TAFA4: variants seen among roughly 807,000 people sequenced by gnomAD.
The protein encoded by TAFA4 is chemokine-like protein TAFA-4.
Under a neutral mutation model 21.1 loss-of-function variants are expected in TAFA4, and 20 were observed. The ratio of observed to expected loss-of-function variants is 0.95; its 90% confidence interval spans 0.67 to 1.38. The LOEUF is 1.38. Among genes scored for constraint, TAFA4 ranks in the 40% most tolerant of loss-of-function variants. The probability of loss-of-function intolerance (pLI) is 0.00; values close to 1 mark genes in which losing one functional copy is unlikely to be tolerated. For missense variants in TAFA4, 211 were observed against 180.9 expected (o/e 1.17, Z -0.95); for synonymous variants, 71 against 67.4 (o/e 1.05, Z -0.26).
At chr3:68,850,831 T>C (rs1315991342) in intron 3 of TAFA4, among the ~76,000 whole-genome samples, 1 of 152,072 alleles carries the variant, frequency 6.6e-6, no homozygotes, top group Non-Finnish European at 1.5e-5. Context: ...ACTCTGTAGG[T>C]TGCCTGTTCT....
chr3:68,908,961 T>C (rs532622293), intron 1 of TAFA4, among the ~76,000 whole-genome samples: 5 of 152,302 alleles, frequency 3.3e-5, no homozygotes, highest in Non-Finnish European at 5.9e-5. Context: ...AATGAAACAT[T>C]CTCTATCTCC....
chr3:68,884,621 C>A (rs1032646835), intron 2 of TAFA4, among the ~76,000 whole-genome samples: 1 of 152,186 alleles, frequency 6.6e-6, no homozygotes, highest in African/African-American at 2.4e-5. Context: ...AATTCATTCC[C>A]AAGACATGCA....
At chr3:68,862,597 G>T (rs765663350) in intron 3 of TAFA4, among the ~76,000 whole-genome samples, 5 of 151,946 alleles carry the variant, frequency 3.3e-5, no homozygotes, top group South Asian at 4.1e-4. Context: ...AACTACAAAC[G>T]TATTTCCAAT....
At chr3:68,795,884 G>C (rs1018657099) in intron 3 of TAFA4, among the ~76,000 whole-genome samples, 15 of 152,156 alleles carry the variant, frequency 9.9e-5, no homozygotes, top group African/African-American at 3.1e-4. Flanking sequence ...AAACAGATGT[G>C]GGTGTTGTGA....
chr3:68,922,377 T>A (rs1429606256), intron 1 of TAFA4, among the ~76,000 whole-genome samples: 1 of 152,156 alleles, frequency 6.6e-6, no homozygotes, highest in East Asian at 1.9e-4. Context: ...ATGTCAAGAA[T>A]ACTGGAATTT....
intron 3 of TAFA4, among the ~76,000 whole-genome samples, chr3:68,835,738 A>T (rs1704509824): frequency 6.6e-6 from 1 of 152,224 alleles, no homozygotes. Flanking sequence ...AATGCTTAGA[A>T]ATGATGAAGA....
chr3:68,818,619 A>G (rs141879750), intron 3 of TAFA4, among the ~76,000 whole-genome samples: 76 of 152,318 alleles, frequency 5.0e-4, no homozygotes, highest in African/African-American at 1.8e-3. Context: ...AGGGTTATCA[A>G]GTGGCCTAAT....
chr3:68,923,041 C>T (rs2090074924), intron 1 of TAFA4, among the ~76,000 whole-genome samples: 2 of 152,180 alleles, frequency 1.3e-5, no homozygotes, highest in South Asian at 4.1e-4. Context: ...AAATAAACTA[C>T]ACACATCTGA....
At chr3:68,805,097 A>C (rs577906177) in intron 3 of TAFA4, among the ~76,000 whole-genome samples, 11 of 152,304 alleles carry the variant, frequency 7.2e-5, no homozygotes, top group Admixed American at 1.3e-4. Context: ...GAACTCAAAC[A>C]AATTTACAGG....
intron 3 of TAFA4, among the ~76,000 whole-genome samples, chr3:68,816,234 G>A (rs1156245955): frequency 6.6e-6 from 1 of 152,108 alleles, no homozygotes; most frequent in African/African-American, 2.4e-5. Flanking sequence ...GTTAATGGGT[G>A]CAGCACACCA....
intron 3 of TAFA4, among the ~76,000 whole-genome samples, chr3:68,776,433 C>T (rs1265196616): frequency 6.6e-6 from 1 of 152,114 alleles, no homozygotes; most frequent in Non-Finnish European, 1.5e-5. Context: ...AGGAACATTT[C>T]ATTATAACAA....
chr3:68,920,993 T>G (rs983424757), intron 1 of TAFA4, among the ~76,000 whole-genome samples: 5 of 152,132 alleles, frequency 3.3e-5, no homozygotes, highest in Non-Finnish European at 5.9e-5. Context: ...TGTCTGGGGT[T>G]GAGTGCTGGG....
intron 3 of TAFA4, among the ~76,000 whole-genome samples, chr3:68,823,446 T>C (rs1704156806): frequency 6.6e-6 from 1 of 152,190 alleles, no homozygotes; most frequent in African/African-American, 2.4e-5. Flanking sequence ...AAGATTTTTT[T>C]AATTTTTATT....
rs767748768 is a variant in TAFA4, at chr3:68,888,534, C to T, written c.-122-3224G>A. 1.5e-3 allele frequency among the ~76,000 whole-genome samples: 221 copies of T among 152,244 alleles called. 1 individual carries two copies. The highest frequency in any genetic ancestry group is 2.4e-3 in the Non-Finnish European group (161 of 68,022). On this transcript the variant is annotated intron_variant, in intron 1 of 5. Transcript: ENST00000295569. Reference sequence around the variant, plus strand: ...TTTCAAGTATTTGTTATAGCAATAACGCCATTCTCTGTACCAATTTTTTGC... The same window carrying T: ...TTTCAAGTATTTGTTATAGCAATAATGCCATTCTCTGTACCAATTTTTTGC...
chr3:68,803,874 G>C (rs56158802), intron 3 of TAFA4, among the ~76,000 whole-genome samples: 39,681 of 136,036 alleles, frequency 0.29, 6,810 homozygotes, highest in Non-Finnish European at 0.39. Context: ...GTGTGATCTC[G>C]GCTCACGGCA....
intron 3 of TAFA4, among the ~76,000 whole-genome samples, chr3:68,837,273 A>C (rs1704546522): frequency 6.6e-6 from 1 of 152,228 alleles, no homozygotes. Flanking sequence ...GCCTGTTGGA[A>C]CTGCAGAATC....
rs139975938 is a variant in TAFA4, at chr3:68,816,163, T to C, written c.131-63145A>G. Among the ~76,000 whole-genome samples the C allele has an allele frequency of 5.0e-3, 756 of 151,414 alleles. 15 individuals are homozygous for C. In the East Asian group the frequency reaches 0.059, roughly 12 times the overall value. Reference sequence around the variant, plus strand: ...GGGAACATCACACACCGGGGCCTGTTGTGGAGTGGGGGGAGGGAGGAGGGA... The same window carrying C: ...GGGAACATCACACACCGGGGCCTGTCGTGGAGTGGGGGGAGGGAGGAGGGA... On this transcript the variant is annotated intron_variant, in intron 3 of 5. Coordinates refer to ENST00000295569, the MANE Select transcript of TAFA4 (RefSeq NM_182522.5).
chr3:68,762,230 A>T (rs1272251254), intron 3 of TAFA4, among the ~76,000 whole-genome samples: 1 of 152,018 alleles, frequency 6.6e-6, no homozygotes, highest in Non-Finnish European at 1.5e-5. Flanking sequence ...TAGCAGAAGA[A>T]TGGAGGTAAA....
At chr3:68,741,833 T>C (rs1390642402) in intron 4 of TAFA4, among the ~76,000 whole-genome samples, 1 of 151,582 alleles carries the variant, frequency 6.6e-6, no homozygotes, top group Admixed American at 6.6e-5. Context: ...CCACTTTCTC[T>C]TCCAAAGAAT....
Sources: gnomAD v4.1 joint callset for allele counts (sites outside exome capture counted in the v4.1 genomes callset) on GRCh38, gnomAD v4.1.1 for gene constraint, MANE v1.5 for transcripts, NCBI Gene and HGNC (gene_info 2026-07-23, HGNC 2026-07-21) for gene names.